The following BMERB1 variants were observed in gnomAD, a reference collection of about 807,000 sequenced individuals.
BMERB1 encodes the protein bMERB domain containing 1.
In BMERB1, 12 loss-of-function variants were observed where a neutral mutation model predicts 23.6. The observed-to-expected ratio is 0.51, with a 90% confidence interval of 0.33 to 0.82. BMERB1 has a LOEUF of 0.82. Ranked by LOEUF, BMERB1 falls within the 40% of genes least tolerant of loss-of-function variation. The probability of loss-of-function intolerance (pLI) is 0.03; values close to 1 mark genes in which losing one functional copy is unlikely to be tolerated. For synonymous variants in BMERB1, 122 were observed against 96.6 expected, an observed-to-expected ratio of 1.26 and a Z score of -1.54; for missense variants, 247 against 255.4, an observed-to-expected ratio of 0.97 and a Z score of 0.22.
At chr16:15,450,359 G>A (rs1243594350) in intron 1 of BMERB1, among the ~76,000 whole-genome samples, 1 of 152,288 alleles carries the variant, frequency 6.6e-6, no homozygotes, top group East Asian at 1.9e-4. Context: ...AAATGTAGAA[G>A]TCATCCTTAG....
At chr16:15,489,676 G>T (rs954589074) in intron 1 of BMERB1, among the ~76,000 whole-genome samples, 3 of 152,156 alleles carry the variant, frequency 2.0e-5, no homozygotes, top group Admixed American at 1.3e-4. Context: ...ATTTTCTGAC[G>T]TGGGTCCTCC....
chr16:15,569,435 A>C (rs2030668219), intron 3 of BMERB1, among the ~76,000 whole-genome samples: 1 of 152,042 alleles, frequency 6.6e-6, no homozygotes, highest in Admixed American at 6.6e-5. Flanking sequence ...CTTTTAAAAG[A>C]CCAAATCTCA....
intron 5 of BMERB1, 41 bp from the exon 6 acceptor site, chr16:15,586,676 T>C (rs1369141833): frequency 6.6e-7 from 1 of 1,504,860 alleles, no homozygotes; most frequent in Non-Finnish European, 9.1e-7. Context: ...TCTCTCTCTG[T>C]TCCTTTCTCC....
intron 1 of BMERB1, among the ~76,000 whole-genome samples, chr16:15,465,448 G>A (rs1428780625): frequency 6.6e-6 from 1 of 151,420 alleles, no homozygotes; most frequent in Non-Finnish European, 1.5e-5. Flanking sequence ...TGCCTCCTGG[G>A]TTCAAGCGAT....
At chr16:15,479,137 C>T (rs2051297949) in intron 1 of BMERB1, among the ~76,000 whole-genome samples, 1 of 152,178 alleles carries the variant, frequency 6.6e-6, no homozygotes, top group African/African-American at 2.4e-5. Context: ...GTGTTTGTTG[C>T]TGGTGATCAA....
intron 1 of BMERB1, among the ~76,000 whole-genome samples, chr16:15,460,731 G>A (rs2051127075): frequency 6.6e-6 from 1 of 152,112 alleles, no homozygotes; most frequent in Non-Finnish European, 1.5e-5. Context: ...TTCCAAAATG[G>A]ATGAGACATT....
intron 2 of BMERB1, among the ~76,000 whole-genome samples, chr16:15,552,000 T>C (rs1424989722): frequency 6.6e-6 from 1 of 152,142 alleles, no homozygotes; most frequent in African/African-American, 2.4e-5. Flanking sequence ...CTTTAATTAT[T>C]CTGGGCCAGC....
At chr16:15,527,477 C>T (rs1399588078) in intron 2 of BMERB1, among the ~76,000 whole-genome samples, 6 of 152,130 alleles carry the variant, frequency 3.9e-5, no homozygotes, top group African/African-American at 4.8e-5. Context: ...TGGTGGCGCA[C>T]ACCTGTAGTC....
At chr16:15,452,313 GGA>G (rs1407642535) in intron 1 of BMERB1, among the ~76,000 whole-genome samples, 10 of 48,176 alleles carry the variant, frequency 2.1e-4, no homozygotes, top group Non-Finnish European at 3.8e-4. Context: ...AGGAAGGAAG[GGA>G]GAGAGAGGGA....
chr16:15,583,955 A>G (rs948844286), intron 5 of BMERB1: 4 of 697,096 alleles, frequency 5.7e-6, no homozygotes, highest in Non-Finnish European at 7.8e-6. Flanking sequence ...GGTGCATTTC[A>G]TAGAAAGAAT....
intron 2 of BMERB1, among the ~76,000 whole-genome samples, chr16:15,563,972 ACT>A (rs1401799205): frequency 6.6e-6 from 1 of 151,542 alleles, no homozygotes; most frequent in Admixed American, 6.6e-5. Flanking sequence ...GTGAGTTCTC[ACT>A]CTTTTAGTTC....
intron 2 of BMERB1, among the ~76,000 whole-genome samples, chr16:15,558,708 C>T (rs995322430): frequency 6.8e-5 from 10 of 148,142 alleles, no homozygotes; most frequent in Admixed American, 1.3e-4. Flanking sequence ...GTAAGGAAGC[C>T]GGTGGGGGGG....
chr16:15,441,522 T>G (rs1021788980), intron 1 of BMERB1, among the ~76,000 whole-genome samples: 2 of 152,070 alleles, frequency 1.3e-5, no homozygotes, highest in Non-Finnish European at 2.9e-5. Context: ...GGATTACAGG[T>G]GCCCACCACC....
At chr16:15,452,080 G>T (rs1002074014) in intron 1 of BMERB1, among the ~76,000 whole-genome samples, 5 of 151,746 alleles carry the variant, frequency 3.3e-5, no homozygotes, top group Non-Finnish European at 7.4e-5. Context: ...AAGAGTTTGA[G>T]ACCAGCCTGG....
intron 3 of BMERB1, among the ~76,000 whole-genome samples, chr16:15,573,477 A>G (rs1278814129): frequency 1.3e-5 from 2 of 152,004 alleles, no homozygotes; most frequent in Non-Finnish European, 2.9e-5. Context: ...GTTGGGTCGG[A>G]GATGAAATCA....
intron 2 of BMERB1, among the ~76,000 whole-genome samples, chr16:15,538,486 C>T (rs2052048428): frequency 6.6e-6 from 1 of 151,570 alleles, no homozygotes. Flanking sequence ...GATTGGAAGT[C>T]AGTGCTCTCA....
intron 2 of BMERB1, among the ~76,000 whole-genome samples, chr16:15,562,848 T>C (rs549671481): frequency 1.4e-4 from 22 of 152,332 alleles, no homozygotes; most frequent in African/African-American, 5.1e-4. Flanking sequence ...TCGAGGCAGC[T>C]GTCACCTGCT....
chr16:15,576,037 A>ATT (rs58602187), intron 3 of BMERB1, among the ~76,000 whole-genome samples: 38 of 131,950 alleles, frequency 2.9e-4, no homozygotes, highest in African/African-American at 9.3e-4. Context: ...AGCATTAGTA[A>ATT]TTTTTTTTTT....
chr16:15,523,576 G>A (rs2051877406), intron 2 of BMERB1, among the ~76,000 whole-genome samples: 1 of 152,110 alleles, frequency 6.6e-6, no homozygotes, highest in East Asian at 1.9e-4. Flanking sequence ...TCATCAAGCT[G>A]TGGGGTCTCT....
Sources: allele counts gnomAD v4.1 joint callset (sites outside exome capture counted in the v4.1 genomes callset), GRCh38; gene constraint gnomAD v4.1.1; transcripts MANE v1.5; gene names NCBI Gene and HGNC (gene_info 2026-07-23, HGNC 2026-07-21).